The following NFATC2 variants were observed in gnomAD, a reference collection of about 807,000 sequenced individuals.
The protein encoded by NFATC2 is nuclear factor of activated T-cells, cytoplasmic 2.
In NFATC2, 22 loss-of-function variants were observed where a neutral mutation model predicts 87.3. The ratio of observed to expected loss-of-function variants is 0.25; its 90% CI spans 0.18 to 0.36. NFATC2 has a LOEUF of 0.36. NFATC2 is among the 10% of genes least tolerant of loss of function. NFATC2 has a pLI of 1.00. For missense variants in NFATC2, 1,149 were observed against 1,259.1 expected (o/e 0.91, Z 1.32); for synonymous variants, 565 against 542.2 (o/e 1.04, Z -0.58).
intron 2 of NFATC2, among the ~76,000 whole-genome samples, chr20:51,518,865 A>G (rs1219592173): frequency 6.6e-6 from 1 of 152,120 alleles, no homozygotes; most frequent in Non-Finnish European, 1.5e-5. Context: ...CAGTGGTGCA[A>G]TCATAGCTCA....
intron 1 of NFATC2, among the ~76,000 whole-genome samples, chr20:51,526,193 ATC>A: frequency 6.6e-6 from 1 of 152,184 alleles, no homozygotes; most frequent in Non-Finnish European, 1.5e-5. Context: ...CGCACCAGGT[ATC>A]TGTTTAGGGA....
intron 3 of NFATC2, among the ~76,000 whole-genome samples, chr20:51,494,054 C>A (rs1462264164): frequency 6.6e-6 from 1 of 152,068 alleles, no homozygotes; most frequent in Non-Finnish European, 1.5e-5. Context: ...GCTCAGTGAG[C>A]GTCAACAGTT....
At chr20:51,516,202 C>A (rs1253254135) in intron 3 of NFATC2, among the ~76,000 whole-genome samples, 1 of 151,170 alleles carries the variant, frequency 6.6e-6, no homozygotes, top group African/African-American at 2.4e-5. Flanking sequence ...AAGAAAAAAA[C>A]AAAAGGAAAT....
At chr20:51,537,339 T>C (rs1210544065) in intron 1 of NFATC2, among the ~76,000 whole-genome samples, 1 of 152,066 alleles carries the variant, frequency 6.6e-6, no homozygotes, top group Non-Finnish European at 1.5e-5. Flanking sequence ...ATCGTGTGTG[T>C]GTCTATAGAA....
chr20:51,553,876 A>G (rs2146837040), intron 1 of NFATC2, among the ~76,000 whole-genome samples: 1 of 152,074 alleles, frequency 6.6e-6, no homozygotes, highest in East Asian at 1.9e-4. Context: ...ATATCTGCCC[A>G]TCCCCACAAT....
In NFATC2 at chr20:51,426,447, C is replaced by T. The variant is rs1981842049; in HGVS notation, c.2722+5620G>A. On this transcript the variant is annotated intron_variant, in intron 9 of 10. Transcript: ENST00000371564. The stretch of plus-strand genomic sequence containing the variant: ...GAGCCAAGATCATGCCACTGCACTC[C>T]AGCCTGGGCAACAGAGCGAGACTTT... Among the ~76,000 whole-genome samples the T allele has an allele frequency of 4.6e-5, 7 of 151,648 alleles. No individual in the cohort carries two copies. In the South Asian group the frequency reaches 1.5e-3, roughly 32 times the overall value.
chr20:51,405,708 G>C (rs1600669098), intron 9 of NFATC2, among the ~76,000 whole-genome samples: 4 of 152,216 alleles, frequency 2.6e-5, no homozygotes, highest in Admixed American at 2.6e-4. Context: ...CCAGCACCTA[G>C]GACAGAGCCC....
chr20:51,453,229 A>T (rs1158422073), intron 6 of NFATC2, among the ~76,000 whole-genome samples: 1 of 152,250 alleles, frequency 6.6e-6, no homozygotes, highest in Non-Finnish European at 1.5e-5. Context: ...CAGAAGGATG[A>T]TTTGTGCGAG....
At position 51,516,951 on chromosome 20, in the gene NFATC2, G is replaced by C; in HGVS notation, c.1165C>G (p.Pro389Ala). ...LVPAIPICSI[P>A]VTASLPPLEW... ...AGTGGAGGGAGGGATGCAGTCACTG[G>C]GATGCTAAAGGAGAAAATAAAATCA... is the stretch of plus-strand genomic sequence containing the variant. The change falls in exon 3 of 11, where the codon CCA becomes GCA. Residue 389 changes from proline to alanine, a missense_variant. By Grantham distance (27) the Pro-to-Ala change is conservative. Around this residue, in one of 3 missense-constraint regions of NFATC2, gnomAD observed 563 missense variants for 585.2 expected, o/e 0.96. Coordinates refer to ENST00000371564, the MANE Select transcript of NFATC2 (RefSeq NM_012340.5). 1 of 1,601,344 alleles carries C rather than the reference G, an allele frequency of 6.2e-7. No individual in the cohort carries two copies. The highest frequency in any genetic ancestry group is 8.5e-7 in the Non-Finnish European group (1 of 1,173,424).
chr20:51,560,951 T>TTC (rs997173034), intron 1 of NFATC2, among the ~76,000 whole-genome samples: 4 of 151,596 alleles, frequency 2.6e-5, no homozygotes, highest in East Asian at 1.9e-4. Context: ...TCCAAGTTCT[T>TTC]TCTCTCTCTC....
chr20:51,472,383 C>T (rs904876491), intron 5 of NFATC2, among the ~76,000 whole-genome samples: 1 of 152,190 alleles, frequency 6.6e-6, no homozygotes, highest in Non-Finnish European at 1.5e-5. Flanking sequence ...CCACTATTCC[C>T]TGACGTCTGC....
intron 9 of NFATC2, among the ~76,000 whole-genome samples, chr20:51,417,083 G>A (rs942275360): frequency 6.6e-6 from 1 of 152,102 alleles, no homozygotes; most frequent in Non-Finnish European, 1.5e-5. Context: ...TCTCACACAC[G>A]TGCCTCTAAC....
intron 3 of NFATC2, among the ~76,000 whole-genome samples, chr20:51,491,899 C>G (rs911771972): frequency 2.0e-5 from 3 of 149,742 alleles, no homozygotes; most frequent in Non-Finnish European, 3.0e-5. Context: ...CACACACACA[C>G]ACACACACAC....
At chr20:51,556,945 G>GTCTT in intron 1 of NFATC2, among the ~76,000 whole-genome samples, 1 of 152,146 alleles carries the variant, frequency 6.6e-6, no homozygotes, top group East Asian at 1.9e-4. Context: ...GAAGGGAAGA[G>GTCTT]ATTCCCCTGA....
intron 9 of NFATC2, among the ~76,000 whole-genome samples, chr20:51,418,952 CCCCCA>C (rs1980468402): frequency 1.5e-5 from 2 of 131,258 alleles, no homozygotes; most frequent in African/African-American, 8.7e-5. Context: ...GCGTGAGCCA[CCCCCA>C]CCGCCCTAGG....
chr20:51,419,395 G>A (rs2146296086), intron 9 of NFATC2, among the ~76,000 whole-genome samples: 1 of 152,282 alleles, frequency 6.6e-6, no homozygotes, highest in South Asian at 2.1e-4. Flanking sequence ...TGATTTCTGG[G>A]TTACGCCCTT....
intron 5 of NFATC2, among the ~76,000 whole-genome samples, chr20:51,471,945 A>G (rs1259283869): frequency 6.6e-6 from 1 of 152,128 alleles, no homozygotes; most frequent in African/African-American, 2.4e-5. Flanking sequence ...TGTACATCCT[A>G]CACATGTACC....
chr20:51,470,883 C>T (rs1988142162), intron 5 of NFATC2, among the ~76,000 whole-genome samples: 1 of 151,988 alleles, frequency 6.6e-6, no homozygotes, highest in African/African-American at 2.4e-5. Context: ...CTAGAGTGGC[C>T]AACTGGTAGC....
At chr20:51,552,722 C>G (rs1386035197) in intron 1 of NFATC2, among the ~76,000 whole-genome samples, 2 of 152,148 alleles carry the variant, frequency 1.3e-5, no homozygotes, top group African/African-American at 4.8e-5. Flanking sequence ...AGTCACAGGT[C>G]TGCAGGAGCT....
Sources: gnomAD v4.1 joint callset for allele counts (sites outside exome capture counted in the v4.1 genomes callset) on GRCh38, gnomAD v4.1.1 for gene constraint, gnomAD v4.1.1 regional missense constraint, MANE v1.5 for transcripts, NCBI Gene and HGNC (gene_info 2026-07-23, HGNC 2026-07-21) for gene names.